The following RAD21 variants were observed in gnomAD, a reference collection of about 807,000 sequenced individuals.
RAD21 encodes RAD21 cohesin complex component.
Under a neutral mutation model 71.5 loss-of-function variants are expected in RAD21, and 18 were observed. That is an observed-to-expected ratio of 0.25 (90% CI 0.17 to 0.37). The LOEUF (loss-of-function observed/expected upper bound fraction) is 0.37. Ranked by LOEUF, RAD21 falls within the 10% of genes least tolerant of loss-of-function variation. RAD21 has a pLI of 1.00. For missense variants in RAD21, 493 were observed against 769.1 expected, an observed-to-expected ratio of 0.64 and a Z score of 4.25; for synonymous variants, 248 against 254.0, an observed-to-expected ratio of 0.98 and a Z score of 0.22.
At chr8:116,857,151 T>A (rs1812487935) in intron 6 of RAD21, 116 bp downstream of exon 6, 2 of 846,902 alleles carry the variant, frequency 2.4e-6, no homozygotes, top group Non-Finnish European at 3.7e-6. Context: ...CTGATCACAA[T>A]TCACTCATAT....
rs188649748 is a variant in RAD21, at chr8:116,850,797, G to C, written c.1471-30C>G. On this transcript the variant is annotated intron_variant, in intron 11 of 13. Coordinates refer to ENST00000297338, the MANE Select transcript of RAD21 (RefSeq NM_006265.3). The stretch of plus-strand genomic sequence containing the variant: ...AAGCAATACAAATAAGACAATTTAA[G>C]ATATATGCTTTTAAAGTAGCTTATT... 2.3e-5 allele frequency: 33 copies of C among 1,427,852 alleles called. No individual in the cohort carries two copies. In the East Asian group the frequency reaches 7.3e-4, roughly 32 times the overall value. 88.4% of individuals were successfully genotyped at this position (1,427,852 alleles called of 1,614,324 possible). A position where few individuals can be genotyped will look rare whatever the true frequency, so the allele number is the denominator to read the frequency against.
In RAD21 at chr8:116,857,271, T is replaced by C; in HGVS notation, c.684A>G (p.Ile228Met). ...ATAACCATCATTCCCACATACCTAA[T>C]ATTCCACCATCATTTCCTTCTCCAA... is the stretch of plus-strand genomic sequence containing the variant. ...DNFGEGNDGG[I>M]LDDKLISNND... The change falls in exon 6 of 14, where the codon ATA (isoleucine) becomes ATG (methionine). Residue 228 changes from isoleucine (I) to methionine (M), a missense_variant. Physicochemically the swap from Ile to Met is conservative, Grantham distance 10. Around this residue, in one of 5 missense-constraint regions of RAD21, gnomAD observed 165 missense variants for 229.6 expected, o/e 0.72. Coordinates refer to ENST00000297338, the MANE Select transcript of RAD21 (RefSeq NM_006265.3). The C allele has an allele frequency of 1.2e-6, 2 of 1,602,408 alleles. No homozygotes were observed. Among genetic ancestry groups the C allele is most frequent in the Non-Finnish European group, 1.7e-6 (2 of 1,171,812 alleles).
At chr8:116,853,061 A>G (rs891229311) in intron 9 of RAD21, among the ~76,000 whole-genome samples, 4 of 152,152 alleles carry the variant, frequency 2.6e-5, no homozygotes, top group African/African-American at 9.7e-5. Context: ...TACATATGGT[A>G]ACCTTATTAG....
rs541737011 is a variant in RAD21 at position 116,846,680 on chromosome 8, C to T, written c.*820G>A. 1.3e-5 allele frequency: 3 copies of T among 223,316 alleles called. No individual in the cohort carries two copies. Among genetic ancestry groups the T allele is most frequent in the East Asian group, 6.5e-5 (1 of 15,320 alleles). 13.8% of individuals were successfully genotyped at this position (223,316 alleles called of 1,614,324 possible). Reference sequence around the variant, plus strand: ...GCAGGGCAATTTCTGTTTTCATGATCGGAATACTCAAATATATCCAAACAT... The same window carrying T: ...GCAGGGCAATTTCTGTTTTCATGATTGGAATACTCAAATATATCCAAACAT... On this transcript the variant is annotated 3_prime_UTR_variant, in exon 14 of 14. Transcript: ENST00000297338.
intron 10 of RAD21, 80 bp from the exon 11 acceptor site, chr8:116,852,176 G>A (rs1372249677): frequency 5.6e-6 from 7 of 1,256,314 alleles, no homozygotes; most frequent in South Asian, 1.7e-5. Flanking sequence ...TTTTAAACTA[G>A]TACACTAAGA....
chr8:116,851,911 C>T (rs550902584), intron 11 of RAD21, 37 bp downstream of exon 11: 2 of 1,576,882 alleles, frequency 1.3e-6, no homozygotes, highest in Admixed American at 3.4e-5. Flanking sequence ...TGTATGAATA[C>T]CTTCAAATGA....
chr8:116,850,879 TTA>T (rs1586263184), intron 11 of RAD21, 112 bp from the exon 12 acceptor site: 1 of 689,738 alleles, frequency 1.4e-6, no homozygotes, highest in East Asian at 2.7e-5. Context: ...AATACTGAGA[TTA>T]TATCTCTATA....
At chr8:116,872,979 G>A (rs1812864249) in intron 1 of RAD21, among the ~76,000 whole-genome samples, 1 of 152,132 alleles carries the variant, frequency 6.6e-6, no homozygotes, top group Non-Finnish European at 1.5e-5. Context: ...TATAAACTGG[G>A]ATAATATTCA....
rs139935751 is a variant in RAD21 at position 116,847,685 on chromosome 8, G to A, written c.1711C>T (p.Leu571Phe). The A allele has an allele frequency of 1.7e-4, 268 of 1,611,084 alleles. No homozygotes were observed. The highest frequency in any genetic ancestry group is 2.1e-4 in the Non-Finnish European group (247 of 1,178,972). Residue 571 changes from leucine to phenylalanine, a missense_variant, in exon 14 of 14, where the codon CTT becomes TTT. Coordinates refer to ENST00000297338, the MANE Select transcript of RAD21 (RefSeq NM_006265.3). ...ATAGATTCAGCTCCAGTTTTAGCAA[G>A]AGCACGCTGAAATAAAACCAAAAAA... ...QQMLHGLQRA[L>F]AKTGAESISL...
At chr8:116,852,209 G>T in intron 10 of RAD21, 113 bp from the exon 11 acceptor site, 1 of 1,010,298 alleles carries the variant, frequency 9.9e-7, no homozygotes, top group Non-Finnish European at 1.4e-6. Context: ...TTTCTTTAAT[G>T]AAGAAGGCCA....
rs1010363547 is a variant in RAD21 at position 116,846,573 on chromosome 8, G to A, written c.*927C>T. On this transcript the variant is annotated 3_prime_UTR_variant, in exon 14 of 14. Transcript: ENST00000297338. ...AAAACTTACAATAAATATCAGAGAA[G>A]CCGTTAGTTTTTACAGCATCGTCTG... The A allele has an allele frequency of 2.6e-5, 6 of 229,014 alleles. No homozygotes were observed. Among genetic ancestry groups the A allele is most frequent in the Non-Finnish European group, 5.2e-5 (6 of 115,252 alleles). 14.2% of individuals were successfully genotyped at this position (229,014 alleles called of 1,614,324 possible).
At chr8:116,859,407 T>A (rs1474546864) in intron 4 of RAD21, among the ~76,000 whole-genome samples, 1 of 152,118 alleles carries the variant, frequency 6.6e-6, no homozygotes, top group African/African-American at 2.4e-5. Context: ...TTTTTCCTTA[T>A]TTTTTAGTAG....
At chr8:116,849,097 T>A in intron 12 of RAD21, 68 bp from the exon 13 acceptor site, 1 of 1,049,410 alleles carries the variant, frequency 9.5e-7, no homozygotes, top group Non-Finnish European at 1.3e-6. Flanking sequence ...TTTCTACATC[T>A]CCTAAAAGCT....
At chr8:116,858,602 C>T in intron 4 of RAD21, 144 bp from the exon 5 acceptor site, 1 of 519,578 alleles carries the variant, frequency 1.9e-6, no homozygotes, top group South Asian at 3.7e-5. Flanking sequence ...TACTTTCACA[C>T]ATTCCAGTAC....
In RAD21 at chr8:116,846,871, A is replaced by G. The variant is rs1311128317; in HGVS notation, c.*629T>C. 4.6e-6 allele frequency: 1 copy of G among 216,776 alleles called. No homozygotes were observed. Among genetic ancestry groups the G allele is most frequent in the Admixed American group, 5.8e-5 (1 of 17,258 alleles). 13.4% of individuals were successfully genotyped at this position (216,776 alleles called of 1,614,324 possible). On this transcript the variant is annotated 3_prime_UTR_variant, in exon 14 of 14. Coordinates refer to ENST00000297338, the MANE Select transcript of RAD21 (RefSeq NM_006265.3). The stretch of plus-strand genomic sequence containing the variant: ...CAAATGGAATGATTTACAAAATAGA[A>G]CACTTTAAACCAGGTCAGTCCTATC...
chr8:116,858,326 T>C (rs754743267), intron 5 of RAD21, 26 bp downstream of exon 5: 3 of 1,504,188 alleles, frequency 2.0e-6, no homozygotes, highest in Non-Finnish European at 2.8e-6. Flanking sequence ...TTATAATTAA[T>C]GGCTAATAAT....
intron 9 of RAD21, among the ~76,000 whole-genome samples, chr8:116,853,575 T>C (rs1251861598): frequency 6.6e-6 from 1 of 152,170 alleles, no homozygotes; most frequent in African/African-American, 2.4e-5. Flanking sequence ...AAAGAATAAA[T>C]AGTTTAAGGA....
intron 1 of RAD21, chr8:116,866,969 A>C: frequency 3.0e-6 from 1 of 328,936 alleles, no homozygotes. Context: ...AGACCCCAAA[A>C]TACTAAGAGC....
At position 116,856,639 on chromosome 8, in the gene RAD21, T is replaced by C. The variant is rs1312717752; in HGVS notation, c.814+7A>G. 3 of 1,580,496 alleles carry C rather than the reference T, an allele frequency of 1.9e-6. No homozygotes were observed. The highest frequency in any genetic ancestry group is 2.3e-5 in the East Asian group (1 of 43,252). On this transcript the variant is annotated splice_region_variant and intron_variant, in intron 7 of 13. Transcript: ENST00000297338. ...ATCCCCAGAATCACTGAACATGAAA[T>C]GCTTACTTGATACATTATCATCCTC...
Sources: allele counts gnomAD v4.1 joint callset (sites outside exome capture counted in the v4.1 genomes callset), GRCh38; gene constraint gnomAD v4.1.1; regional missense constraint gnomAD v4.1.1; transcripts MANE v1.5; gene names NCBI Gene and HGNC (gene_info 2026-07-23, HGNC 2026-07-21).